The following SCGB2B2 variants were observed in gnomAD, a reference collection of about 807,000 sequenced individuals.
SCGB2B2 encodes the protein secretoglobin family 2B member 2, also known as secretoglobin-like protein.
SCGB2B2 carries 11 observed loss-of-function variants against 7.6 expected under a neutral mutation model. That is an observed-to-expected ratio of 1.45 (90% CI 0.91 to 2.40). The LOEUF is 2.40. SCGB2B2 is among the 30% of genes most tolerant of loss of function. The probability of loss-of-function intolerance (pLI) is 0.00; values close to 1 mark genes in which losing one functional copy is unlikely to be tolerated. For missense variants in SCGB2B2, 104 were observed against 115.4 expected (o/e 0.90, Z 0.45); for synonymous variants, 50 against 48.6 (o/e 1.03, Z -0.12).
intron 1 of SCGB2B2, among the ~76,000 whole-genome samples, chr19:34,624,946 G>A (rs934483346): frequency 9.9e-5 from 15 of 152,192 alleles, no homozygotes; most frequent in Non-Finnish European, 2.2e-4. Flanking sequence ...CAGAGGATAA[G>A]GAGCCTTGGA....
rs538440772 is a variant in SCGB2B2, at chr19:34,651,147, T to C, written c.-2032+24483A>G. The stretch of plus-strand genomic sequence containing the variant: ...GGCAAACCCACAGCCAACATCATAG[T>C]GAATAGGGAGAAGTACAAAGCTCTT... On this transcript the variant is annotated intron_variant, in intron 1 of 3. Coordinates refer to ENST00000601241, the MANE Select transcript of SCGB2B2 (RefSeq NM_001025591.4). Among the ~76,000 whole-genome samples, 6 of 151,434 alleles carry C rather than the reference T, an allele frequency of 4.0e-5. No homozygotes were observed. In the East Asian group the frequency reaches 9.6e-4, roughly 24 times the overall value.
At chr19:34,664,700 G>C (rs1035193580) in intron 1 of SCGB2B2, among the ~76,000 whole-genome samples, 1 of 152,068 alleles carries the variant, frequency 6.6e-6, no homozygotes, top group Non-Finnish European at 1.5e-5. Flanking sequence ...CTAGGGCCCC[G>C]GCCACTGAGA....
At chr19:34,666,392 TCA>T (rs774488798) in intron 1 of SCGB2B2, among the ~76,000 whole-genome samples, 4 of 151,860 alleles carry the variant, frequency 2.6e-5, no homozygotes, top group Non-Finnish European at 5.9e-5. Context: ...AATCCCATTC[TCA>T]CACATGTGCA....
At chr19:34,599,743 C>T (rs1360947682) in intron 1 of SCGB2B2, among the ~76,000 whole-genome samples, 1 of 152,072 alleles carries the variant, frequency 6.6e-6, no homozygotes, top group African/African-American at 2.4e-5. Context: ...TCCTCCCCGC[C>T]CTGTTCTCTC....
Position 34,655,524 on chromosome 19 carries a change from A to G in SCGB2B2, c.-2032+20106T>C, listed in dbSNP as rs1156779629. 2.0e-5 allele frequency among the ~76,000 whole-genome samples: 3 copies of G among 151,214 alleles called. 1 individual carries two copies. Among genetic ancestry groups the G allele is most frequent in the African/African-American group, 7.4e-5 (3 of 40,504 alleles). ...CCTCTTGCCCTTCCAGATGGAACCA[A>G]TGTAAATCTTACACGCACTGATTGA... On this transcript the variant is annotated intron_variant, in intron 1 of 3. Coordinates refer to ENST00000601241, the MANE Select transcript of SCGB2B2 (RefSeq NM_001025591.4).
At chr19:34,636,526 G>A (rs2066684542) in intron 1 of SCGB2B2, among the ~76,000 whole-genome samples, 1 of 152,184 alleles carries the variant, frequency 6.6e-6, no homozygotes, top group Admixed American at 6.5e-5. Context: ...CTGAGTAGCT[G>A]TTCAAGAACT....
At chr19:34,636,478 C>T (rs1168356870) in intron 1 of SCGB2B2, among the ~76,000 whole-genome samples, 1 of 152,154 alleles carries the variant, frequency 6.6e-6, no homozygotes, top group African/African-American at 2.4e-5. Context: ...GAGCACTGAA[C>T]AAAAGGGTGT....
At chr19:34,635,079 A>C in intron 1 of SCGB2B2, 1 of 294,820 alleles carries the variant, frequency 3.4e-6, no homozygotes, top group Non-Finnish European at 7.0e-6. Context: ...AGCATTTCCC[A>C]CATTCACTAC....
At chr19:34,668,765 A>G (rs2067714294) in intron 1 of SCGB2B2, among the ~76,000 whole-genome samples, 1 of 151,820 alleles carries the variant, frequency 6.6e-6, no homozygotes, top group African/African-American at 2.4e-5. Context: ...TTGTGTCCAC[A>G]CTCTGTATCT....
intron 1 of SCGB2B2, among the ~76,000 whole-genome samples, chr19:34,631,625 AAGGGAGAGATAT>A (rs2066538005): frequency 6.6e-6 from 1 of 152,166 alleles, no homozygotes; most frequent in Non-Finnish European, 1.5e-5. Context: ...GATCTAAATA[AAGGGAGAGATAT>A]GCCACGTTTA....
At chr19:34,663,091 C>G (rs961646704) in intron 1 of SCGB2B2, among the ~76,000 whole-genome samples, 1 of 152,240 alleles carries the variant, frequency 6.6e-6, no homozygotes, top group Non-Finnish European at 1.5e-5. Context: ...TGCCGACGCC[C>G]CTGACACCTG....
chr19:34,667,108 T>C (rs2067650511), intron 1 of SCGB2B2, among the ~76,000 whole-genome samples: 2 of 151,962 alleles, frequency 1.3e-5, no homozygotes, highest in Non-Finnish European at 2.9e-5. Flanking sequence ...TTGACCTCCT[T>C]TGAGATCAGG....
At position 34,594,217 on chromosome 19, in the gene SCGB2B2, G is replaced by A. The variant is rs2065377641; in HGVS notation, c.204C>T (p.Ala68=). The part of the protein sequence containing the change: ...ESFLNVQQCF[A]NVSVTERFAH... ...CAAATCTTTCTGTCACGGAGACATT[G>A]GCAAAGCATTGCTGGACATTGAGGA... is the stretch of plus-strand genomic sequence containing the variant. The change falls in exon 3 of 4, where the codon GCC becomes GCT. Residue 68 remains alanine, a synonymous_variant. Transcript: ENST00000601241. 6.2e-7 allele frequency: 1 copy of A among 1,614,110 alleles called. No individual in the cohort carries two copies. Among genetic ancestry groups the A allele is most frequent in the African/African-American group, 1.3e-5 (1 of 75,054 alleles).
intron 1 of SCGB2B2, among the ~76,000 whole-genome samples, chr19:34,660,829 G>A (rs887932003): frequency 6.6e-5 from 10 of 152,186 alleles, no homozygotes; most frequent in Non-Finnish European, 1.5e-4. Context: ...GTACACATAT[G>A]TTTATTGCAG....
chr19:34,672,748 C>G (rs116990968), intron 1 of SCGB2B2, among the ~76,000 whole-genome samples: 1,534 of 152,296 alleles, frequency 0.01, 24 homozygotes, highest in Non-Finnish European at 0.011. Flanking sequence ...TCATTTGAAC[C>G]TAAACTTCCA....
chr19:34,620,867 A>C (rs1213637795), intron 1 of SCGB2B2, among the ~76,000 whole-genome samples: 3 of 152,198 alleles, frequency 2.0e-5, no homozygotes, highest in Non-Finnish European at 4.4e-5. Flanking sequence ...AATTATGAGA[A>C]TGTATACTGG....
downstream of SCGB2B2, among the ~76,000 whole-genome samples, chr19:34,589,852 A>T (rs1282692799): frequency 6.6e-6 from 1 of 151,944 alleles, no homozygotes. Flanking sequence ...GGAGCCCCCG[A>T]GGGCTTTTCC....
At chr19:34,645,708 G>A (rs1600063066) in intron 1 of SCGB2B2, 1 of 424,658 alleles carries the variant, frequency 2.4e-6, no homozygotes, top group Non-Finnish European at 4.8e-6. Context: ...GCTCTAATCT[G>A]CAGCGTCCAG....
chr19:34,610,884 G>C (rs575458259), intron 1 of SCGB2B2, among the ~76,000 whole-genome samples: 1 of 151,372 alleles, frequency 6.6e-6, no homozygotes, highest in East Asian at 2.0e-4. Context: ...GGAAGACTCT[G>C]AGAAGAACTG....
Sources: gnomAD v4.1 joint callset for allele counts (sites outside exome capture counted in the v4.1 genomes callset) on GRCh38, gnomAD v4.1.1 for gene constraint, MANE v1.5 for transcripts, NCBI Gene and HGNC (gene_info 2026-07-23, HGNC 2026-07-21) for gene names.